Variants in PMPCB observed in about 807,000 individuals in gnomAD.
PMPCB encodes mitochondrial-processing peptidase subunit beta.
PMPCB carries 46 observed loss-of-function variants against 61.5 expected under a neutral mutation model. That is an observed-to-expected ratio of 0.75 (90% CI 0.59 to 0.96). PMPCB has a LOEUF of 0.96. Ranked by LOEUF, PMPCB falls within the 40% of genes least tolerant of loss-of-function variation. The pLI is 0.00. For missense variants in PMPCB, 590 were observed against 602.4 expected (o/e 0.98, Z 0.22); for synonymous variants, 191 against 201.6 (o/e 0.95, Z 0.44).
the PMPCB span, chr7:103,344,603 G>A: frequency 1.2e-6 from 2 of 1,612,398 alleles, no homozygotes; most frequent in East Asian, 2.2e-5. Context: ...GCCGTCCGCG[G>A]CGCTTGGCAG....
chr7:103,319,792 T>A (rs199525138), intron 12 of PMPCB: 12 of 1,614,188 alleles, frequency 7.4e-6, no homozygotes, highest in Non-Finnish European at 1.0e-5. Context: ...TTTTTCCACT[T>A]CTTCCATCAT....
chr7:103,346,452 A>T, the PMPCB span, among the ~76,000 whole-genome samples: 1 of 152,218 alleles, frequency 6.6e-6, no homozygotes, highest in Non-Finnish European at 1.5e-5. Flanking sequence ...TTTTTAAAAA[A>T]ATTGTGCTAA....
Position 103,297,468 on chromosome 7 carries a change from T to A in PMPCB, c.9T>A (p.Ala3=), listed in dbSNP as rs1563442496. The change falls in exon 1 of 13, where the codon GCT becomes GCA. Residue 3 remains alanine (A), a synonymous_variant. Coordinates refer to ENST00000249269, the MANE Select transcript of PMPCB (RefSeq NM_004279.3). ...CCTTCCTTCTAGCAGAAATGGCGGC[T>A]GCGGCGGCTCGAGTGGTGTTGTCAT... The part of the protein sequence containing the change: MA[A]AAARVVLSSA... The A allele has an allele frequency of 1.9e-6, 3 of 1,544,382 alleles. No homozygotes were observed. Among genetic ancestry groups the A allele is most frequent in the African/African-American group, 2.8e-5 (2 of 72,706 alleles).
chr7:103,326,601 T>G, intron 12 of PMPCB: 1 of 1,613,918 alleles, frequency 6.2e-7, no homozygotes, highest in Non-Finnish European at 8.5e-7. Context: ...TTTGCTTCAC[T>G]TTTAGAAGGA....
the PMPCB span, chr7:103,344,604 C>G: frequency 4.2e-5 from 67 of 1,612,240 alleles, no homozygotes; most frequent in Admixed American, 8.3e-5. Flanking sequence ...CCGTCCGCGG[C>G]GCTTGGCAGA....
the PMPCB span, among the ~76,000 whole-genome samples, chr7:103,339,571 G>A: frequency 6.6e-6 from 1 of 151,400 alleles, no homozygotes; most frequent in Admixed American, 6.6e-5. Flanking sequence ...TTTCAATGAG[G>A]ACACCGAAAC....
intron 12 of PMPCB, chr7:103,322,233 C>G (rs574399299): frequency 1.0e-4 from 64 of 631,946 alleles, no homozygotes; most frequent in Non-Finnish European, 1.2e-4. Context: ...GGAAAGACAG[C>G]TGGTAAAGAT....
At chr7:103,340,960 T>A in the PMPCB span, among the ~76,000 whole-genome samples, 2 of 152,176 alleles carry the variant, frequency 1.3e-5, no homozygotes, top group Non-Finnish European at 1.5e-5. Flanking sequence ...CAGCATTGGT[T>A]ACTGACCACA....
the PMPCB span, among the ~76,000 whole-genome samples, chr7:103,346,322 G>A: frequency 1.3e-5 from 2 of 152,102 alleles, no homozygotes; most frequent in South Asian, 2.1e-4. Context: ...TAGTAGAGAC[G>A]GGGTTTAGCC....
At chr7:103,319,889 T>C (rs1055803857) in intron 12 of PMPCB, 1 of 1,589,402 alleles carries the variant, frequency 6.3e-7, no homozygotes, top group Non-Finnish European at 8.6e-7. Context: ...CAAAAATACA[T>C]CCATCAACAT....
chr7:103,342,047 CA>C, the PMPCB span: 81 of 973,348 alleles, frequency 8.3e-5, no homozygotes, highest in Non-Finnish European at 1.0e-5. Flanking sequence ...AAAATCAAAA[CA>C]GTGATACCAG....
the PMPCB span, among the ~76,000 whole-genome samples, chr7:103,343,578 T>G: frequency 3.3e-5 from 5 of 152,206 alleles, no homozygotes; most frequent in African/African-American, 1.2e-4. Context: ...CTAGGAAGCT[T>G]GAATGAGACC....
At chr7:103,329,137 G>GT (rs1394457999) in exon 13 of PMPCB, 2 of 377,602 alleles carry the variant, frequency 5.3e-6, no homozygotes, top group African/African-American at 4.3e-5. Context: ...GGCTGTCTCA[G>GT]TTTTTCTTCT....
chr7:103,327,199 G>C lies in PMPCB; in HGVS notation c.*1432-1732G>C, dbSNP rs1244193428. 18 of 407,442 alleles carry C rather than the reference G, an allele frequency of 4.4e-5. 1 individual carries two copies. Among genetic ancestry groups the C allele is most frequent in the South Asian group, 3.3e-4 (16 of 48,228 alleles). The allele number at this position is 407,442 out of a possible 1,614,324, so 25.2% of individuals were successfully genotyped here. A position where few individuals can be genotyped will look rare whatever the true frequency, so the allele number is the denominator to read the frequency against. ...ATAGCAATAAGTAACTGTAGGGTCT[G>C]TACTAGGATATAATCAACTTCTTGA... On this transcript the variant is annotated intron_variant and NMD_transcript_variant, in intron 12 of 12. Coordinates refer to the PMPCB transcript ENST00000444457.
chr7:103,344,442 A>C, the PMPCB span: 14 of 1,171,910 alleles, frequency 1.2e-5, no homozygotes, highest in East Asian at 3.1e-4. Context: ...ACGGCCCCAT[A>C]CGGCCCCGGG....
intron 12 of PMPCB, 29 bp from the exon 13 acceptor site, chr7:103,312,178 T>TTTAA: frequency 6.2e-7 from 1 of 1,614,010 alleles, no homozygotes; most frequent in Middle Eastern, 1.7e-4. Context: ...GCCAAGTACT[T>TTTAA]TTAATTAACT....
At chr7:103,320,746 AATATATATATATACACATATATAT>A (rs1334899737) in intron 12 of PMPCB, 2 of 118,348 alleles carry the variant, frequency 1.7e-5, no homozygotes, top group South Asian at 2.4e-4. Flanking sequence ...TCTGTCACAA[AATATATATATATACACATATATAT>A]ATATATATAT....
At chr7:103,330,799 C>G (rs1021548544), downstream of PMPCB, among the ~76,000 whole-genome samples, 2 of 149,814 alleles carry the variant, frequency 1.3e-5, no homozygotes, top group African/African-American at 4.9e-5. Flanking sequence ...CCAGGCTGGT[C>G]TTGAACTCCT....
the PMPCB span, among the ~76,000 whole-genome samples, chr7:103,346,279 C>T: frequency 3.2e-4 from 49 of 152,126 alleles, no homozygotes; most frequent in South Asian, 1.0e-2. Context: ...ATTACAGGTG[C>T]GTGCCACCAC....
Sources: allele counts gnomAD v4.1 joint callset (sites outside exome capture counted in the v4.1 genomes callset), GRCh38; gene constraint gnomAD v4.1.1; transcripts MANE v1.5; gene names NCBI Gene and HGNC (gene_info 2026-07-23, HGNC 2026-07-21).